The following CTDSPL variants were observed in gnomAD, a reference collection of about 807,000 sequenced individuals.
The protein encoded by CTDSPL is CTD small phosphatase-like protein.
Under a neutral mutation model 30.5 loss-of-function variants are expected in CTDSPL, and 8 were observed. The observed-to-expected ratio is 0.26, with a 90% CI of 0.15 to 0.47. CTDSPL has a LOEUF of 0.47. CTDSPL is among the 20% of genes least tolerant of loss of function. CTDSPL has a pLI of 0.99. For missense variants in CTDSPL, 248 were observed against 366.1 expected (o/e 0.68, Z 2.63); for synonymous variants, 110 against 137.9 (o/e 0.80, Z 1.42).
intron 2 of CTDSPL, among the ~76,000 whole-genome samples, chr3:37,948,807 TC>T (rs1275396413): frequency 0.012 from 1,677 of 141,444 alleles, 52 homozygotes; most frequent in African/African-American, 0.045. Flanking sequence ...TTTCCAGCTT[TC>T]TTTTTTTTTT....
At chr3:37,929,204 G>A (rs1698820791) in intron 1 of CTDSPL, among the ~76,000 whole-genome samples, 1 of 152,162 alleles carries the variant, frequency 6.6e-6, no homozygotes, top group African/African-American at 2.4e-5. Context: ...TTTGAAGTCA[G>A]GAAGTGTGAG....
rs572715599 is a variant in CTDSPL at position 37,923,383 on chromosome 3, T to C, written c.80-23674T>C. On this transcript the variant is annotated intron_variant, in intron 1 of 7. Transcript: ENST00000273179. ...ACTTCCACAGAACTGCCATCCCAAC[T>C]GATAGTTCAAATGCGTTCTTAAAAT... Among the ~76,000 whole-genome samples, 43 of 152,348 alleles carry C rather than the reference T, an allele frequency of 2.8e-4. 1 individual carries two copies. In the South Asian group the frequency reaches 8.5e-3, roughly 30 times the overall value.
rs58061973 is a variant in CTDSPL, at chr3:37,964,032, TAAAAAAAAAAAAAAAAAA to T, written c.268-519_268-502del. ...CAAGTTTTTTAAAAATCTCAGTCAC[TAAAAAAAAAAAAAAAAAA>T]AAAAAAAAAAAAAAAAAAATCTGTA... is the stretch of plus-strand genomic sequence containing the variant. On this transcript the variant is annotated intron_variant, in intron 3 of 7. Coordinates refer to ENST00000273179, the MANE Select transcript of CTDSPL (RefSeq NM_001008392.2). Among the ~76,000 whole-genome samples, 31 of 22,992 alleles carry T rather than the reference TAAAAAAAAAAAAAAAAAA, an allele frequency of 1.3e-3. 1 individual carries two copies. In the South Asian group the frequency reaches 0.014, roughly 11 times the overall value. The allele number at this position is 22,992 out of a possible 152,430, so 15.1% of individuals were successfully genotyped here.
chr3:37,898,248 C>A (rs974368520), intron 1 of CTDSPL, among the ~76,000 whole-genome samples: 1 of 152,160 alleles, frequency 6.6e-6, no homozygotes, highest in Non-Finnish European at 1.5e-5. Flanking sequence ...TACCCCTAGG[C>A]CCAGGCCCCA....
chr3:37,966,022 A>G lies in CTDSPL; in HGVS notation c.369+1350A>G, dbSNP rs1260169596. Reference sequence around the variant, plus strand: ...CTCAGGACTTTTCCAAGTCTCTGTGAAGGAAAGCCCTTCAGAGCAGGGGTC... The same window carrying G: ...CTCAGGACTTTTCCAAGTCTCTGTGGAGGAAAGCCCTTCAGAGCAGGGGTC... On this transcript the variant is annotated intron_variant, in intron 4 of 7. Coordinates refer to ENST00000273179, the MANE Select transcript of CTDSPL (RefSeq NM_001008392.2). 2.0e-5 allele frequency among the ~76,000 whole-genome samples: 3 copies of G among 152,262 alleles called. No individual in the cohort carries two copies. The East Asian group carries it at 5.8e-4, about 29-fold the overall frequency.
At chr3:37,864,004 G>A (rs1697977928) in intron 1 of CTDSPL, among the ~76,000 whole-genome samples, 1 of 152,228 alleles carries the variant, frequency 6.6e-6, no homozygotes, top group Non-Finnish European at 1.5e-5. Flanking sequence ...GCTGCTTGGT[G>A]ATCTGGACTT....
intron 6 of CTDSPL, among the ~76,000 whole-genome samples, chr3:37,973,967 A>G (rs1324327342): frequency 1.3e-5 from 2 of 152,238 alleles, no homozygotes; most frequent in African/African-American, 4.8e-5. Context: ...CCAGCCTGTG[A>G]CCCACAGGGC....
Position 37,935,953 on chromosome 3 carries a change from G to A in CTDSPL, c.80-11104G>A, listed in dbSNP as rs528673053. 9.9e-5 allele frequency among the ~76,000 whole-genome samples: 15 copies of A among 152,270 alleles called. No individual in the cohort carries two copies. The South Asian group carries it at 1.7e-3, about 17-fold the overall frequency. ...TACTTTGAGTCTCTGTTTTCTCATC[G>A]GAAAATGGGTTGGTCATGTCAGTAT... is the stretch of plus-strand genomic sequence containing the variant. On this transcript the variant is annotated intron_variant, in intron 1 of 7. Transcript: ENST00000273179.
chr3:37,864,742 AATTTT>A (rs1697989760), intron 1 of CTDSPL, among the ~76,000 whole-genome samples: 3 of 151,842 alleles, frequency 2.0e-5, no homozygotes, highest in African/African-American at 7.3e-5. Context: ...ATTTTTACAT[AATTTT>A]ACATTATGTA....
At chr3:37,872,871 C>T (rs1698092655) in intron 1 of CTDSPL, among the ~76,000 whole-genome samples, 1 of 152,160 alleles carries the variant, frequency 6.6e-6, no homozygotes, top group African/African-American at 2.4e-5. Context: ...CCGTGCCCAG[C>T]CCCCACTTTG....
At chr3:37,873,591 C>T (rs1404320007) in intron 1 of CTDSPL, among the ~76,000 whole-genome samples, 1 of 152,156 alleles carries the variant, frequency 6.6e-6, no homozygotes, top group African/African-American at 2.4e-5. Flanking sequence ...TACTTAGTGG[C>T]AAACAGGAAG....
chr3:37,905,024 G>T (rs184823278), intron 1 of CTDSPL, among the ~76,000 whole-genome samples: 1 of 152,184 alleles, frequency 6.6e-6, no homozygotes, highest in Non-Finnish European at 1.5e-5. Flanking sequence ...ACCCCCCGCT[G>T]CCTCTCCGAG....
Position 37,937,810 on chromosome 3 carries a change from G to T in CTDSPL, c.80-9247G>T, listed in dbSNP as rs368245955. Among the ~76,000 whole-genome samples, 283 of 150,434 alleles carry T rather than the reference G, an allele frequency of 1.9e-3. 6 individuals are homozygous for T. The highest frequency in any genetic ancestry group is 6.6e-3 in the African/African-American group (272 of 41,428). ...TTTAGCAGGGATGTTGCTAAATTTGGATTTTACAAGGAAGTATGCAGGTGG... is the reference window on the plus strand; with the variant it reads ...TTTAGCAGGGATGTTGCTAAATTTGTATTTTACAAGGAAGTATGCAGGTGG... On this transcript the variant is annotated intron_variant, in intron 1 of 7. Transcript: ENST00000273179.
At chr3:37,921,881 A>G (rs1272061425) in intron 1 of CTDSPL, among the ~76,000 whole-genome samples, 2 of 152,154 alleles carry the variant, frequency 1.3e-5, no homozygotes, top group East Asian at 3.9e-4. Flanking sequence ...TTCCCAGGTC[A>G]TGGGGAATGA....
At chr3:37,959,866 A>C (rs1401968889) in intron 3 of CTDSPL, among the ~76,000 whole-genome samples, 1 of 152,242 alleles carries the variant, frequency 6.6e-6, no homozygotes, top group Non-Finnish European at 1.5e-5. Flanking sequence ...ACCCTTACTG[A>C]AAATGATAAT....
chr3:37,869,003 A>G (rs1698043314), intron 1 of CTDSPL, among the ~76,000 whole-genome samples: 1 of 152,114 alleles, frequency 6.6e-6, no homozygotes, highest in Non-Finnish European at 1.5e-5. Flanking sequence ...GAGAACTGAC[A>G]TCTTTTCTAG....
intron 1 of CTDSPL, among the ~76,000 whole-genome samples, chr3:37,901,918 T>A (rs1698454606): frequency 1.3e-5 from 2 of 152,244 alleles, no homozygotes; most frequent in African/African-American, 4.8e-5. Context: ...CATCAGGGAC[T>A]CATCTCTTAT....
At chr3:37,951,711 T>G (rs890295673) in intron 2 of CTDSPL, among the ~76,000 whole-genome samples, 2 of 151,338 alleles carry the variant, frequency 1.3e-5, no homozygotes. Flanking sequence ...ATATTATTAT[T>G]AGGAATAGAA....
intron 1 of CTDSPL, among the ~76,000 whole-genome samples, chr3:37,889,547 A>G (rs1226871054): frequency 6.6e-6 from 1 of 152,186 alleles, no homozygotes; most frequent in African/African-American, 2.4e-5. Flanking sequence ...GGCTAATAGG[A>G]GTTCCAGGAG....
Sources: gnomAD v4.1 joint callset for allele counts (sites outside exome capture counted in the v4.1 genomes callset) on GRCh38, gnomAD v4.1.1 for gene constraint, MANE v1.5 for transcripts, NCBI Gene and HGNC (gene_info 2026-07-23, HGNC 2026-07-21) for gene names.